Variants in AHCY observed in about 807,000 individuals in gnomAD.
The protein encoded by AHCY is adenosylhomocysteinase.
A neutral mutation model predicts 45.4 loss-of-function variants in AHCY; 24 were observed. The ratio of observed to expected loss-of-function variants is 0.53; its 90% CI spans 0.38 to 0.74. The LOEUF (loss-of-function observed/expected upper bound fraction) is 0.74. Ranked by LOEUF, AHCY falls within the 30% of genes least tolerant of loss-of-function variation. The pLI, the probability that AHCY is intolerant of heterozygous loss-of-function variation, is 0.00. For missense variants in AHCY, 449 were observed against 594.1 expected, an observed-to-expected ratio of 0.76 and a Z score of 2.54; for synonymous variants, 245 against 235.1, an observed-to-expected ratio of 1.04 and a Z score of -0.39.
chr20:34,284,652 C>G (rs2036112005), intron 9 of AHCY, among the ~76,000 whole-genome samples: 1 of 152,066 alleles, frequency 6.6e-6, no homozygotes, highest in Non-Finnish European at 1.5e-5. Context: ...AAAACCCCGT[C>G]TCTACTAAAA....
the AHCY span, among the ~76,000 whole-genome samples, chr20:34,272,838 C>G: frequency 6.6e-6 from 1 of 152,190 alleles, no homozygotes; most frequent in African/African-American, 2.4e-5. Context: ...GATTCATGAT[C>G]ACACCACTGC....
chr20:34,268,947 G>C, the AHCY span: 1 of 1,561,368 alleles, frequency 6.4e-7, no homozygotes, highest in East Asian at 2.4e-5. Context: ...GGACCGGAGG[G>C]GTGGGCGTGG....
chr20:34,232,015 C>T, the AHCY span, among the ~76,000 whole-genome samples: 1 of 152,198 alleles, frequency 6.6e-6, no homozygotes, highest in Admixed American at 6.5e-5. Flanking sequence ...CATCACACAG[C>T]AAGCAGCATG....
the AHCY span, among the ~76,000 whole-genome samples, chr20:34,239,195 C>T: frequency 6.6e-6 from 1 of 152,068 alleles, no homozygotes; most frequent in Non-Finnish European, 1.5e-5. Flanking sequence ...CCATCAGACT[C>T]AGTATGTTCC....
intron 1 of AHCY, chr20:34,301,693 C>T (rs2036777134): frequency 1.7e-6 from 1 of 584,642 alleles, no homozygotes; most frequent in Non-Finnish European, 2.2e-6. Flanking sequence ...TCCTGACCCA[C>T]TAATCTCTCC....
the AHCY span, among the ~76,000 whole-genome samples, chr20:34,234,668 G>A: frequency 1.2e-4 from 19 of 152,042 alleles, no homozygotes; most frequent in African/African-American, 4.6e-4. Context: ...CGGGCGTGGT[G>A]GCAGGCGCCT....
chr20:34,258,694 T>TATATATATATATATATATATATATAC, the AHCY span, among the ~76,000 whole-genome samples: 1 of 37,094 alleles, frequency 2.7e-5, no homozygotes, highest in African/African-American at 2.1e-4. Context: ...TATATATACA[T>TATATATATATATATATATATATATAC]ACTATATATA....
At chr20:34,292,270 G>A in intron 4 of AHCY, 88 bp downstream of exon 4, 1 of 1,485,546 alleles carries the variant, frequency 6.7e-7, no homozygotes, top group Non-Finnish European at 9.2e-7. Context: ...GAGGTGATGG[G>A]AGTCCTGCCA....
At chr20:34,295,822 G>C (rs893679395) in intron 1 of AHCY, among the ~76,000 whole-genome samples, 16 of 152,114 alleles carry the variant, frequency 1.1e-4, no homozygotes, top group African/African-American at 3.9e-4. Context: ...TAATCACACA[G>C]GGACACAAAA....
At chr20:34,247,948 G>C in the AHCY span, among the ~76,000 whole-genome samples, 5 of 152,180 alleles carry the variant, frequency 3.3e-5, no homozygotes, top group Non-Finnish European at 7.4e-5. Flanking sequence ...GCACATGCGT[G>C]TAATCCCAGC....
chr20:34,262,519 C>T, the AHCY span, among the ~76,000 whole-genome samples: 1 of 152,320 alleles, frequency 6.6e-6, no homozygotes, highest in African/African-American at 2.4e-5. Context: ...CCTGGGGTGG[C>T]TCTGAGTGGC....
the AHCY span, among the ~76,000 whole-genome samples, chr20:34,254,944 G>C: frequency 6.6e-6 from 1 of 152,148 alleles, no homozygotes; most frequent in Non-Finnish European, 1.5e-5. Context: ...GTTCTACCAG[G>C]AGAACTGTTT....
rs1163569174 is a variant in AHCY at position 34,291,546 on chromosome 20, A to T, written c.446-15T>A. ...GCCTCGGATGCCTAAACAAGAGGGG[A>T]CAGGACAAGCCTCAGAGATGCCACA... On this transcript the variant is annotated splice_polypyrimidine_tract_variant and intron_variant, in intron 4 of 9. Coordinates refer to ENST00000217426, the MANE Select transcript of AHCY (RefSeq NM_000687.4). 2 of 1,608,652 alleles carry T rather than the reference A, an allele frequency of 1.2e-6. No homozygotes were observed. The highest frequency in any genetic ancestry group is 2.7e-5 in the African/African-American group (2 of 74,792).
chr20:34,307,374 T>C (rs1429228143), upstream of AHCY, among the ~76,000 whole-genome samples: 1 of 152,088 alleles, frequency 6.6e-6, no homozygotes, highest in Non-Finnish European at 1.5e-5. Flanking sequence ...TTTTTGTTTT[T>C]TGTTTTTTGT....
chr20:34,251,402 C>T, the AHCY span, among the ~76,000 whole-genome samples: 4 of 152,072 alleles, frequency 2.6e-5, no homozygotes, highest in Admixed American at 6.5e-5. Context: ...TCCCAGGTAG[C>T]TGGGACTACA....
chr20:34,276,833 G>A (rs1435198622), downstream of AHCY, among the ~76,000 whole-genome samples: 1 of 152,092 alleles, frequency 6.6e-6, no homozygotes, highest in East Asian at 1.9e-4. Flanking sequence ...GGAACTGATC[G>A]AAGCCCGCCC....
At chr20:34,301,707 G>A (rs986147444) in intron 1 of AHCY, 2 of 667,098 alleles carry the variant, frequency 3.0e-6, no homozygotes, top group Non-Finnish European at 3.7e-6. Flanking sequence ...TCTCTCCACA[G>A]TATGACAAGC....
At chr20:34,246,404 A>C in the AHCY span, 1 of 1,368,694 alleles carries the variant, frequency 7.3e-7, no homozygotes, top group South Asian at 1.2e-5. Flanking sequence ...AACATCAGGC[A>C]TATATTCACA....
intron 8 of AHCY, among the ~76,000 whole-genome samples, chr20:34,285,869 G>A (rs1030267164): frequency 1.3e-5 from 2 of 152,230 alleles, no homozygotes; most frequent in African/African-American, 4.8e-5. Flanking sequence ...GGAAGGCCGA[G>A]GCAGGCGGAT....
Sources: allele counts gnomAD v4.1 joint callset (sites outside exome capture counted in the v4.1 genomes callset), GRCh38; gene constraint gnomAD v4.1.1; transcripts MANE v1.5; gene names NCBI Gene and HGNC (gene_info 2026-07-23, HGNC 2026-07-21).